The following PPP2R2B variants were observed in gnomAD, a reference collection of about 807,000 sequenced individuals.
The protein encoded by PPP2R2B is serine/threonine-protein phosphatase 2A 55 kDa regulatory subunit B beta isoform.
A neutral mutation model predicts 46.0 loss-of-function variants in PPP2R2B; 5 were observed. The ratio of observed to expected loss-of-function variants is 0.11; its 90% confidence interval spans 0.06 to 0.23. PPP2R2B has a LOEUF of 0.23. PPP2R2B is among the 10% of genes least tolerant of loss of function. PPP2R2B has a pLI of 1.00. For missense variants in PPP2R2B, 367 were observed against 575.0 expected (o/e 0.64, Z 3.70); for synonymous variants, 215 against 206.7 (o/e 1.04, Z -0.34).
intron 5 of PPP2R2B, among the ~76,000 whole-genome samples, chr5:146,678,384 G>A (rs530429182): frequency 0.01 from 1,445 of 144,068 alleles, 24 homozygotes; most frequent in South Asian, 0.047. Flanking sequence ...GTATTGATGG[G>A]ACGTATTTCA....
chr5:147,033,129 A>T (rs929062847), intron 1 of PPP2R2B, among the ~76,000 whole-genome samples: 2 of 152,226 alleles, frequency 1.3e-5, no homozygotes, highest in African/African-American at 2.4e-5. Flanking sequence ...TTAAGAATGC[A>T]ATCAGTGGAC....
chr5:146,851,076 T>C (rs1760319809), intron 2 of PPP2R2B, among the ~76,000 whole-genome samples: 1 of 152,132 alleles, frequency 6.6e-6, no homozygotes, highest in Non-Finnish European at 1.5e-5. Flanking sequence ...TCGAAATGAA[T>C]ATTATTCAAT....
At chr5:146,963,687 C>T (rs977670171) in intron 1 of PPP2R2B, among the ~76,000 whole-genome samples, 8 of 151,980 alleles carry the variant, frequency 5.3e-5, no homozygotes, top group African/African-American at 1.7e-4. Context: ...TGTTATTATC[C>T]CCATTTTAAG....
intron 1 of PPP2R2B, among the ~76,000 whole-genome samples, chr5:146,938,438 G>A (rs1764222525): frequency 8.9e-6 from 1 of 112,454 alleles, no homozygotes; most frequent in South Asian, 3.1e-4. Flanking sequence ...AAAAGATTCT[G>A]CAAACTCTGA....
At chr5:146,746,081 A>G (rs1232354181) in intron 2 of PPP2R2B, among the ~76,000 whole-genome samples, 1 of 152,188 alleles carries the variant, frequency 6.6e-6, no homozygotes, top group East Asian at 1.9e-4. Flanking sequence ...ACAGACTTTA[A>G]TTGGCTTGGC....
In PPP2R2B at chr5:146,587,467, C is replaced by G. The variant is rs944660565; in HGVS notation, c.*2480G>C. ...ACATCTATATGCTAAGGGTGTTGGA[C>G]TAGTGTAGGGGCTTTTATTTGGAGT... On this transcript the variant is annotated 3_prime_UTR_variant, in exon 10 of 10. Coordinates refer to ENST00000394411, the MANE Select transcript of PPP2R2B (RefSeq NM_181675.4). 3 of 152,214 alleles carry G rather than the reference C, an allele frequency of 2.0e-5. No individual in the cohort carries two copies. The highest frequency in any genetic ancestry group is 1.3e-4 in the Admixed American group (2 of 15,282). The allele number at this position is 152,214 out of a possible 1,614,324, so 9.4% of individuals were successfully genotyped here. A position where few individuals can be genotyped will look rare whatever the true frequency, so the allele number is the denominator to read the frequency against.
chr5:146,673,601 G>A (rs1295170029), intron 5 of PPP2R2B, among the ~76,000 whole-genome samples: 1 of 148,280 alleles, frequency 6.7e-6, no homozygotes, highest in African/African-American at 2.5e-5. Flanking sequence ...GGTGACTAAT[G>A]ATTGAAGCAG....
chr5:146,730,204 T>G (rs1366864846), intron 2 of PPP2R2B, among the ~76,000 whole-genome samples: 1 of 152,234 alleles, frequency 6.6e-6, no homozygotes, highest in Admixed American at 6.5e-5. Flanking sequence ...TTCAGACACT[T>G]GCATAGGCTC....
intron 4 of PPP2R2B, among the ~76,000 whole-genome samples, chr5:146,696,775 T>C (rs763733580): frequency 2.3e-4 from 35 of 152,218 alleles, no homozygotes; most frequent in Non-Finnish European, 4.9e-4. Context: ...CTAAACCAGC[T>C]GCGTCCGAAT....
intron 1 of PPP2R2B, among the ~76,000 whole-genome samples, chr5:146,963,455 C>G (rs554039359): frequency 6.6e-6 from 1 of 152,176 alleles, no homozygotes; most frequent in African/African-American, 2.4e-5. Flanking sequence ...TGGCTCCTAC[C>G]TGAACTTCCA....
At chr5:146,726,003 G>A (rs1751839878) in intron 2 of PPP2R2B, among the ~76,000 whole-genome samples, 1 of 152,138 alleles carries the variant, frequency 6.6e-6, no homozygotes, top group South Asian at 2.1e-4. Context: ...GGATAGAGAT[G>A]GAATCTCATG....
chr5:146,843,239 T>G (rs764599356), intron 2 of PPP2R2B, among the ~76,000 whole-genome samples: 1 of 152,194 alleles, frequency 6.6e-6, no homozygotes, highest in South Asian at 2.1e-4. Flanking sequence ...AATGATCAAT[T>G]TGGGTCTTGA....
chr5:146,783,687 C>T (rs1755670723), intron 2 of PPP2R2B, among the ~76,000 whole-genome samples: 1 of 152,154 alleles, frequency 6.6e-6, no homozygotes, highest in Non-Finnish European at 1.5e-5. Flanking sequence ...CAATGGTCAA[C>T]AGATACAAGA....
chr5:146,872,237 T>G (rs542911542), intron 2 of PPP2R2B, among the ~76,000 whole-genome samples: 1 of 152,342 alleles, frequency 6.6e-6, no homozygotes, highest in Non-Finnish European at 1.5e-5. Context: ...CTAGTGATTT[T>G]CAATGCATTC....
chr5:146,885,801 C>A (rs369826714), intron 1 of PPP2R2B, among the ~76,000 whole-genome samples: 21 of 152,150 alleles, frequency 1.4e-4, no homozygotes, highest in African/African-American at 4.8e-4. Context: ...CAGAAAGGAA[C>A]GAAGTATTGA....
In PPP2R2B at chr5:146,716,774, A is replaced by T. The variant is rs56958399; in HGVS notation, c.71-15632T>A. The stretch of plus-strand genomic sequence containing the variant: ...TCTCTTCTAGAAACCAAGTAAGGAC[A>T]GTTTACATTTAAAACTTCACTAACT... On this transcript the variant is annotated intron_variant, in intron 2 of 9. Transcript: ENST00000394411. Among the ~76,000 whole-genome samples, 158 of 152,310 alleles carry T rather than the reference A, an allele frequency of 1.0e-3. 1 individual carries two copies. In the East Asian group the frequency reaches 0.015, roughly 15 times the overall value.
At chr5:146,888,933 T>C (rs962799898) in intron 1 of PPP2R2B, among the ~76,000 whole-genome samples, 6 of 152,210 alleles carry the variant, frequency 3.9e-5, no homozygotes, top group Non-Finnish European at 7.3e-5. Context: ...CCTCCATCTC[T>C]GCCCGTCACT....
chr5:146,759,901 G>A (rs1754056530), intron 2 of PPP2R2B, among the ~76,000 whole-genome samples: 1 of 152,046 alleles, frequency 6.6e-6, no homozygotes, highest in Non-Finnish European at 1.5e-5. Flanking sequence ...TTATTGTGAT[G>A]TCTTACAGTT....
At chr5:146,669,336 C>T (rs458985) in intron 5 of PPP2R2B, among the ~76,000 whole-genome samples, 116,268 of 152,026 alleles carry the variant, frequency 0.76, 45,886 homozygotes, top group Non-Finnish European at 0.86. Flanking sequence ...GGGAGTTAAT[C>T]TGCTCTTTCT....
Sources: allele counts gnomAD v4.1 joint callset (sites outside exome capture counted in the v4.1 genomes callset), GRCh38; gene constraint gnomAD v4.1.1; transcripts MANE v1.5; gene names NCBI Gene and HGNC (gene_info 2026-07-23, HGNC 2026-07-21).